TANC2: variants seen among roughly 807,000 people sequenced by gnomAD.
TANC2 encodes the protein tetratricopeptide repeat, ankyrin repeat and coiled-coil containing 2.
In TANC2, 26 loss-of-function variants were observed where a neutral mutation model predicts 210.5. That is an observed-to-expected ratio of 0.12 (90% CI 0.09 to 0.17). TANC2 has a LOEUF of 0.17. Ranked by LOEUF, TANC2 falls within the 10% of genes least tolerant of loss-of-function variation. The pLI, the probability that TANC2 is intolerant of heterozygous loss-of-function variation, is 1.00. For missense variants in TANC2, 2,129 were observed against 2,608.9 expected (o/e 0.82, Z 4.01); for synonymous variants, 931 against 967.1 (o/e 0.96, Z 0.69).
At chr17:63,309,740 T>C (rs1486305708) in intron 9 of TANC2, among the ~76,000 whole-genome samples, 1 of 151,754 alleles carries the variant, frequency 6.6e-6, no homozygotes, top group Non-Finnish European at 1.5e-5. Context: ...TTTGAAACTA[T>C]GTATTTTTCA....
chr17:63,319,523 G>T (rs1190421768), intron 11 of TANC2, among the ~76,000 whole-genome samples: 2 of 152,086 alleles, frequency 1.3e-5, no homozygotes, highest in Non-Finnish European at 2.9e-5. Flanking sequence ...ACTAATTTTT[G>T]TATTTTTAGT....
intron 4 of TANC2, among the ~76,000 whole-genome samples, chr17:63,147,764 T>C (rs1204097169): frequency 1.3e-5 from 2 of 152,234 alleles, no homozygotes; most frequent in African/African-American, 4.8e-5. Context: ...CCATTTTGAT[T>C]TGGATACTCT....
chr17:63,283,172 T>G (rs1320935408), intron 9 of TANC2, among the ~76,000 whole-genome samples: 1 of 152,018 alleles, frequency 6.6e-6, no homozygotes, highest in Non-Finnish European at 1.5e-5. Context: ...GTTTCTTCTT[T>G]TTGGAGGGGA....
chr17:63,410,884 AAAAAAG>A (rs2048679234), intron 21 of TANC2, among the ~76,000 whole-genome samples: 1 of 150,992 alleles, frequency 6.6e-6, no homozygotes, highest in African/African-American at 2.4e-5. Context: ...AAAAAAAAAA[AAAAAAG>A]AAGCAGAAGA....
intron 2 of TANC2, among the ~76,000 whole-genome samples, chr17:63,021,749 G>T (rs1568324096): frequency 6.6e-6 from 1 of 152,218 alleles, no homozygotes; most frequent in Non-Finnish European, 1.5e-5. Flanking sequence ...GGAAGAATTT[G>T]CAGGAGCAGG....
chr17:63,192,203 T>C (rs2041209614), intron 5 of TANC2, among the ~76,000 whole-genome samples: 1 of 152,184 alleles, frequency 6.6e-6, no homozygotes, highest in Non-Finnish European at 1.5e-5. Context: ...TCAAATGATA[T>C]TTTGAGACGA....
intron 14 of TANC2, among the ~76,000 whole-genome samples, chr17:63,357,794 T>C (rs1409121150): frequency 6.6e-6 from 1 of 152,274 alleles, no homozygotes; most frequent in Non-Finnish European, 1.5e-5. Context: ...CAGGCAGGTC[T>C]GATTAGCAGG....
chr17:63,219,217 A>G (rs1567825135), intron 7 of TANC2, among the ~76,000 whole-genome samples: 1 of 152,198 alleles, frequency 6.6e-6, no homozygotes, highest in Admixed American at 6.5e-5. Flanking sequence ...AAACCATGGC[A>G]GGCAGGCCAA....
chr17:63,384,126 G>A (rs113541161), intron 15 of TANC2, among the ~76,000 whole-genome samples: 5,120 of 152,076 alleles, frequency 0.034, 332 homozygotes, highest in African/African-American at 0.12. Context: ...CTGGAGTATA[G>A]TGGCACAATC....
At chr17:63,219,100 C>A (rs2042100587) in intron 7 of TANC2, among the ~76,000 whole-genome samples, 1 of 151,910 alleles carries the variant, frequency 6.6e-6, no homozygotes, top group African/African-American at 2.4e-5. Context: ...ACATGCTGAG[C>A]AAAATTAACA....
intron 1 of TANC2, among the ~76,000 whole-genome samples, chr17:62,982,006 A>G (rs976680405): frequency 6.6e-6 from 1 of 152,176 alleles, no homozygotes. Context: ...AGTGTCCACA[A>G]TCTTCTGTGG....
intron 5 of TANC2, among the ~76,000 whole-genome samples, chr17:63,171,423 A>G (rs2040401892): frequency 6.6e-6 from 1 of 152,112 alleles, no homozygotes. Flanking sequence ...GCTCAGCATT[A>G]TTATTTTCTG....
chr17:63,404,163 A>G (rs775066285), intron 19 of TANC2, among the ~76,000 whole-genome samples: 2 of 152,220 alleles, frequency 1.3e-5, no homozygotes, highest in Admixed American at 6.5e-5. Context: ...TATAACTCCT[A>G]CATGTTCTAA....
chr17:63,322,743 A>G (rs1156926826), intron 11 of TANC2, among the ~76,000 whole-genome samples: 1 of 152,236 alleles, frequency 6.6e-6, no homozygotes, highest in East Asian at 1.9e-4. Flanking sequence ...GATAAGTGCT[A>G]AGATCACAGA....
chr17:62,979,396 C>T (rs941410893), intron 1 of TANC2, among the ~76,000 whole-genome samples: 6 of 152,094 alleles, frequency 3.9e-5, no homozygotes, highest in Non-Finnish European at 8.8e-5. Context: ...GTTATATGGG[C>T]ATGTCTTTCT....
Position 63,411,934 on chromosome 17 carries a change from C to A in TANC2, c.3766-64C>A, listed in dbSNP as rs1259655222. 5 of 1,587,224 alleles carry A rather than the reference C, an allele frequency of 3.2e-6. No homozygotes were observed. The African/African-American group carries it at 5.4e-5, about 17-fold the overall frequency. On this transcript the variant is annotated intron_variant, in intron 22 of 27. Coordinates refer to ENST00000689528, the Ensembl canonical transcript of TANC2. The stretch of plus-strand genomic sequence containing the variant: ...AAAAAGGGCAGGCAGCAGCCAGAGC[C>A]CTCGGTGGAACAGTGCTGAGCCATT...
intron 2 of TANC2, among the ~76,000 whole-genome samples, chr17:63,039,572 A>G (rs994034139): frequency 6.6e-6 from 1 of 152,144 alleles, no homozygotes; most frequent in Non-Finnish European, 1.5e-5. Flanking sequence ...TGCTGTTCTG[A>G]CAATTTCTCC....
At chr17:62,991,953 T>A (rs1490251367) in intron 1 of TANC2, among the ~76,000 whole-genome samples, 2 of 151,986 alleles carry the variant, frequency 1.3e-5, no homozygotes, top group Non-Finnish European at 2.9e-5. Context: ...GTTTGACCCT[T>A]TGTGTGTGGG....
intron 9 of TANC2, among the ~76,000 whole-genome samples, chr17:63,291,870 T>C (rs921166401): frequency 6.6e-6 from 1 of 152,210 alleles, no homozygotes; most frequent in African/African-American, 2.4e-5. Flanking sequence ...AAAGGGATTA[T>C]ATCTAAGAGA....
Sources: allele counts gnomAD v4.1 joint callset (sites outside exome capture counted in the v4.1 genomes callset), GRCh38; gene constraint gnomAD v4.1.1; transcripts MANE v1.5; gene names NCBI Gene and HGNC (gene_info 2026-07-23, HGNC 2026-07-21).